The following AEBP2 variants were observed in gnomAD, a reference collection of about 807,000 sequenced individuals.
AEBP2 encodes the protein AE binding protein 2.
Under a neutral mutation model 50.8 loss-of-function variants are expected in AEBP2, and 10 were observed. The ratio of observed to expected loss-of-function variants is 0.20; its 90% confidence interval spans 0.12 to 0.33. The LOEUF (loss-of-function observed/expected upper bound fraction) is 0.33, where lower values mean the gene tolerates loss of function less well. Ranked by LOEUF, AEBP2 falls within the 10% of genes least tolerant of loss-of-function variation. The pLI, the probability that AEBP2 is intolerant of heterozygous loss-of-function variation, is 1.00. For synonymous variants in AEBP2, 296 were observed against 261.3 expected, an observed-to-expected ratio of 1.13 and a Z score of -1.28; for missense variants, 570 against 688.0, an observed-to-expected ratio of 0.83 and a Z score of 1.92.
At chr12:19,496,929 G>T (rs1397759627) in intron 4 of AEBP2, among the ~76,000 whole-genome samples, 1 of 151,606 alleles carries the variant, frequency 6.6e-6, no homozygotes, top group Non-Finnish European at 1.5e-5. Context: ...GCCTCCCAAA[G>T]GGCTGGGATG....
At chr12:19,438,496 T>G (rs1050965775), upstream of AEBP2, among the ~76,000 whole-genome samples, 12 of 152,338 alleles carry the variant, frequency 7.9e-5, no homozygotes, top group African/African-American at 2.6e-4. Context: ...AAGGTCATAA[T>G]GTATATTAGA....
chr12:19,451,686 ATT>A (rs34094890), intron 1 of AEBP2, among the ~76,000 whole-genome samples: 63,404 of 146,792 alleles, frequency 0.43, 14,460 homozygotes, highest in Non-Finnish European at 0.54. Flanking sequence ...CCATCTTTTA[ATT>A]TTTTTTTTTT....
chr12:19,484,171 C>T (rs1948772271), intron 3 of AEBP2, among the ~76,000 whole-genome samples: 1 of 151,974 alleles, frequency 6.6e-6, no homozygotes, highest in African/African-American at 2.4e-5. Context: ...GCAACATCCA[C>T]CTCCTCAGTT....
In AEBP2 at chr12:19,462,470, A is replaced by T. The variant is rs569562191; in HGVS notation, c.672-40A>T. On this transcript the variant is annotated intron_variant, in intron 1 of 7. Coordinates refer to ENST00000266508, the MANE Select transcript of AEBP2 (RefSeq NM_153207.5). ...TTATAAGATCATATTCATGTTAGTG[A>T]ATTTCTAGGAATAACACAGCCTTTT... The T allele has an allele frequency of 1.1e-5, 17 of 1,494,344 alleles. No individual in the cohort carries two copies. The South Asian group carries it at 2.1e-4, about 18-fold the overall frequency. The allele number at this position is 1,494,344 out of a possible 1,614,324, so 92.6% of individuals were successfully genotyped here.
At chr12:19,460,592 T>G (rs1948357394) in intron 1 of AEBP2, among the ~76,000 whole-genome samples, 1 of 151,844 alleles carries the variant, frequency 6.6e-6, no homozygotes, top group South Asian at 2.1e-4. Context: ...GACCTTGTGA[T>G]CCACCCACCT....
intron 1 of AEBP2, chr12:19,456,774 G>C (rs1205551120): frequency 6.3e-7 from 1 of 1,583,356 alleles, no homozygotes; most frequent in African/African-American, 1.3e-5. Context: ...TTTTACTTCA[G>C]TTTTAATGTT....
At chr12:19,507,456 T>G (rs1044567071) in intron 5 of AEBP2, among the ~76,000 whole-genome samples, 1 of 152,042 alleles carries the variant, frequency 6.6e-6, no homozygotes, top group Non-Finnish European at 1.5e-5. Flanking sequence ...AATAAAAAAT[T>G]TGCGCAGACT....
At chr12:19,516,185 G>C (rs1949315280) in intron 7 of AEBP2, among the ~76,000 whole-genome samples, 1 of 152,192 alleles carries the variant, frequency 6.6e-6, no homozygotes, top group Non-Finnish European at 1.5e-5. Context: ...AGGAGAAGAA[G>C]ATTGAGAGTA....
chr12:19,457,192 A>G (rs1200438588), intron 1 of AEBP2: 82 of 1,597,862 alleles, frequency 5.1e-5, no homozygotes, highest in Non-Finnish European at 6.9e-5. Context: ...ACCGACAATT[A>G]GTTGTTTCAC....
At chr12:19,435,349 C>T (rs567372756), upstream of AEBP2, among the ~76,000 whole-genome samples, 59 of 150,442 alleles carry the variant, frequency 3.9e-4, no homozygotes, top group Middle Eastern at 3.4e-3. Context: ...GGCGCAATTT[C>T]GGCTCACTGC....
intron 1 of AEBP2, among the ~76,000 whole-genome samples, chr12:19,408,624 G>A (rs993193922): frequency 4.0e-5 from 6 of 151,840 alleles, no homozygotes; most frequent in East Asian, 1.9e-4. Context: ...ATGCAAGGCC[G>A]GGCGCGGTGA....
chr12:19,459,021 A>C (rs897055609), intron 1 of AEBP2, among the ~76,000 whole-genome samples: 6 of 152,138 alleles, frequency 3.9e-5, no homozygotes, highest in African/African-American at 7.2e-5. Context: ...TCCATATCAC[A>C]TTGAGTTTTT....
intron 7 of AEBP2, among the ~76,000 whole-genome samples, 182 bp downstream of exon 7, chr12:19,514,966 A>G (rs1475509863): frequency 6.6e-6 from 1 of 152,174 alleles, no homozygotes; most frequent in Admixed American, 6.5e-5. Flanking sequence ...AGAATCCAGA[A>G]AAACAGTATT....
chr12:19,437,970 T>C (rs1433700606), upstream of AEBP2, among the ~76,000 whole-genome samples: 1 of 152,232 alleles, frequency 6.6e-6, no homozygotes, highest in Non-Finnish European at 1.5e-5. Context: ...GAAGCATCCC[T>C]AAAATTGGCC....
chr12:19,508,996 T>G, intron 5 of AEBP2: 10 of 531,778 alleles, frequency 1.9e-5, no homozygotes, highest in East Asian at 4.4e-5. Context: ...ATAGAGTTGT[T>G]TACCTTTTTA....
chr12:19,452,358 C>A (rs1487207291), intron 1 of AEBP2, among the ~76,000 whole-genome samples: 1 of 152,170 alleles, frequency 6.6e-6, no homozygotes, highest in Non-Finnish European at 1.5e-5. Flanking sequence ...GGATATATAG[C>A]AAATGCTGTG....
Position 19,439,532 on chromosome 12 carries a change from C to T in AEBP2, c.-168C>T. ...GCGCGTAGTCGCGCGCCTGTCCCCG[C>T]GCGGGCTCCGTAGCGCGTGTGCAGG... On this transcript the variant is annotated 5_prime_UTR_variant, in exon 1 of 8. Transcript: ENST00000266508. The T allele has an allele frequency of 2.3e-6, 2 of 883,290 alleles. No individual in the cohort carries two copies. Among genetic ancestry groups the T allele is most frequent in the Non-Finnish European group, 3.2e-6 (2 of 617,156 alleles). The allele number at this position is 883,290 out of a possible 1,614,324, so 54.7% of individuals were successfully genotyped here.
chr12:19,415,712 A>AATACAATACAATACC (rs2095742206), intron 1 of AEBP2, among the ~76,000 whole-genome samples: 4 of 150,464 alleles, frequency 2.7e-5, no homozygotes, highest in East Asian at 1.9e-4. Context: ...AATACAATAC[A>AATACAATACAATACC]ATACCTCCAG....
At chr12:19,417,842 C>A (rs1056464291) in intron 1 of AEBP2, among the ~76,000 whole-genome samples, 2 of 151,846 alleles carry the variant, frequency 1.3e-5, no homozygotes, top group African/African-American at 4.8e-5. Context: ...GTAGCTGGGA[C>A]TATAGGCATG....
Sources: allele counts gnomAD v4.1 joint callset (sites outside exome capture counted in the v4.1 genomes callset), GRCh38; gene constraint gnomAD v4.1.1; transcripts MANE v1.5; gene names NCBI Gene and HGNC (gene_info 2026-07-23, HGNC 2026-07-21).